The following KCNH7 variants were observed in gnomAD, a reference collection of about 807,000 sequenced individuals.
The protein encoded by KCNH7 is voltage-gated inwardly rectifying potassium channel KCNH7.
In KCNH7, 49 loss-of-function variants were observed where a neutral mutation model predicts 120.8. The ratio of observed to expected loss-of-function variants is 0.41; its 90% CI spans 0.32 to 0.51. The LOEUF is 0.51. KCNH7 is among the 20% of genes least tolerant of loss of function. KCNH7 has a pLI of 0.38. For synonymous variants in KCNH7, 547 were observed against 516.1 expected (o/e 1.06, Z -0.81); for missense variants, 1,097 against 1,446.6 (o/e 0.76, Z 3.92).
intron 2 of KCNH7, among the ~76,000 whole-genome samples, chr2:162,685,693 G>C (rs1295797919): frequency 6.6e-6 from 1 of 151,690 alleles, no homozygotes; most frequent in Non-Finnish European, 1.5e-5. Context: ...TGCCTGGTGT[G>C]AGGAATATTT....
chr2:162,439,835 T>A lies in KCNH7; in HGVS notation c.1555-4238A>T, dbSNP rs559221086. On this transcript the variant is annotated intron_variant, in intron 7 of 15. Transcript: ENST00000332142. Reference sequence around the variant, plus strand: ...TTTAAACTAAGCACTATTTAAAAAATATATATATATATTCTAAACAATGAA... The same window carrying A: ...TTTAAACTAAGCACTATTTAAAAAAAATATATATATATTCTAAACAATGAA... Among the ~76,000 whole-genome samples, 17 of 151,192 alleles carry A rather than the reference T, an allele frequency of 1.1e-4. No individual in the cohort carries two copies. The East Asian group carries it at 1.4e-3, about 12-fold the overall frequency.
At chr2:162,670,238 C>T (rs113014246) in intron 2 of KCNH7, among the ~76,000 whole-genome samples, 61 of 151,754 alleles carry the variant, frequency 4.0e-4, no homozygotes, top group African/African-American at 1.3e-3. Context: ...TTTGGGAGAC[C>T]GAGGCAGGCA....
At chr2:162,442,936 G>A (rs1250490730) in intron 7 of KCNH7, among the ~76,000 whole-genome samples, 1 of 152,116 alleles carries the variant, frequency 6.6e-6, no homozygotes, top group East Asian at 1.9e-4. Flanking sequence ...ATGTACTTAT[G>A]CATTTATTTA....
chr2:162,459,260 A>T (rs2105599124), intron 6 of KCNH7, among the ~76,000 whole-genome samples: 1 of 152,180 alleles, frequency 6.6e-6, no homozygotes, highest in African/African-American at 2.4e-5. Context: ...TATACATGTA[A>T]TGTATATAGT....
At chr2:162,526,638 G>A (rs560432661) in intron 3 of KCNH7, among the ~76,000 whole-genome samples, 13 of 152,054 alleles carry the variant, frequency 8.5e-5, no homozygotes, top group Non-Finnish European at 1.3e-4. Context: ...GCTCACCGGC[G>A]GTCAGAGTTT....
At position 162,501,301 on chromosome 2, in the gene KCNH7, AAG is replaced by A. The variant is rs937813061; in HGVS notation, c.1128+3140_1128+3141del. ...CATTGTATTTTTTACACTGTAAAAAAAGAGAGAACTTTTATAAAATATGATCA... is the reference window on the plus strand; with the variant it reads ...CATTGTATTTTTTACACTGTAAAAAAAGAGAACTTTTATAAAATATGATCA... On this transcript the variant is annotated intron_variant, in intron 6 of 15. Coordinates refer to ENST00000332142, the MANE Select transcript of KCNH7 (RefSeq NM_033272.4). 7.2e-5 allele frequency among the ~76,000 whole-genome samples: 11 copies of A among 152,214 alleles called. 1 individual carries two copies. Among genetic ancestry groups the A allele is most frequent in the African/African-American group, 2.6e-4 (11 of 41,572 alleles).
intron 5 of KCNH7, among the ~76,000 whole-genome samples, chr2:162,505,291 A>G (rs1690831723): frequency 6.6e-6 from 1 of 151,868 alleles, no homozygotes; most frequent in Admixed American, 6.6e-5. Context: ...CTCTTGGATC[A>G]TATGTGGGAT....
intron 2 of KCNH7, among the ~76,000 whole-genome samples, chr2:162,680,747 T>C (rs997451807): frequency 1.1e-4 from 16 of 151,814 alleles, no homozygotes; most frequent in African/African-American, 3.9e-4. Context: ...TTAAATCTTC[T>C]AAGCCTTCCT....
intron 6 of KCNH7, among the ~76,000 whole-genome samples, chr2:162,454,468 A>T (rs1553478241): frequency 6.6e-6 from 1 of 151,864 alleles, no homozygotes; most frequent in Non-Finnish European, 1.5e-5. Context: ...TTTAAAGTAG[A>T]TTTTTTCTAT....
At chr2:162,407,090 A>T (rs1396152478) in intron 9 of KCNH7, among the ~76,000 whole-genome samples, 1 of 152,040 alleles carries the variant, frequency 6.6e-6, no homozygotes, top group African/African-American at 2.4e-5. Flanking sequence ...TTCTTGTATA[A>T]ACATCACATA....
At chr2:162,444,335 G>T (rs1048614815) in intron 7 of KCNH7, among the ~76,000 whole-genome samples, 4 of 152,140 alleles carry the variant, frequency 2.6e-5, no homozygotes, top group Non-Finnish European at 5.9e-5. Context: ...AATAAATAAA[G>T]TATTATATTA....
intron 6 of KCNH7, among the ~76,000 whole-genome samples, chr2:162,496,525 C>T (rs1026107243): frequency 3.3e-5 from 5 of 152,074 alleles, no homozygotes; most frequent in African/African-American, 9.7e-5. Context: ...TGGGAACCCG[C>T]TTTCAGAGCC....
rs150797803 is a variant in KCNH7 at position 162,546,524 on chromosome 2, G to A, written c.308-9444C>T. 3.9e-5 allele frequency among the ~76,000 whole-genome samples: 6 copies of A among 152,224 alleles called. No individual in the cohort carries two copies. In the East Asian group the frequency reaches 9.7e-4, roughly 25 times the overall value. On this transcript the variant is annotated intron_variant, in intron 2 of 15. Coordinates refer to ENST00000332142, the MANE Select transcript of KCNH7 (RefSeq NM_033272.4). ...GCATACTGCCATAGTAAGTGCACAC[G>A]ATTGTGAAGGTCAAGCCGCAGTGAG...
chr2:162,494,147 A>C (rs145570900), intron 6 of KCNH7, among the ~76,000 whole-genome samples: 19 of 152,300 alleles, frequency 1.2e-4, no homozygotes, highest in Middle Eastern at 3.4e-3. Flanking sequence ...GGTTGATATT[A>C]ATAGTAGACT....
chr2:162,618,492 A>T (rs574939648), intron 2 of KCNH7, among the ~76,000 whole-genome samples: 5 of 152,154 alleles, frequency 3.3e-5, no homozygotes, highest in Non-Finnish European at 5.9e-5. Context: ...ATACACAGAA[A>T]TCACTAGTTT....
At chr2:162,403,782 T>A (rs1687130123) in intron 9 of KCNH7, among the ~76,000 whole-genome samples, 1 of 151,972 alleles carries the variant, frequency 6.6e-6, no homozygotes, top group African/African-American at 2.4e-5. Context: ...AGTTGTTGAA[T>A]GTCTGATTAG....
intron 6 of KCNH7, among the ~76,000 whole-genome samples, chr2:162,449,290 G>T (rs1231623420): frequency 1.3e-5 from 2 of 151,896 alleles, no homozygotes; most frequent in Non-Finnish European, 2.9e-5. Flanking sequence ...TTTTTAAAAG[G>T]AAAGACAATT....
intron 6 of KCNH7, among the ~76,000 whole-genome samples, chr2:162,452,568 G>A (rs887159931): frequency 6.6e-6 from 1 of 152,006 alleles, no homozygotes; most frequent in African/African-American, 2.4e-5. Context: ...CTGTTAAGTT[G>A]GTGGATGGGA....
intron 2 of KCNH7, among the ~76,000 whole-genome samples, chr2:162,643,826 A>AAAAG (rs1559060510): frequency 8.1e-6 from 1 of 123,660 alleles, no homozygotes; most frequent in Non-Finnish European, 1.7e-5. Context: ...AAAAAAAAAA[A>AAAAG]AAGAAGAAAA....
Sources: gnomAD v4.1 joint callset for allele counts (sites outside exome capture counted in the v4.1 genomes callset) on GRCh38, gnomAD v4.1.1 for gene constraint, MANE v1.5 for transcripts, NCBI Gene and HGNC (gene_info 2026-07-23, HGNC 2026-07-21) for gene names.